PCNT: variants seen among roughly 807,000 people sequenced by gnomAD.
PCNT encodes pericentrin.
PCNT carries 319 observed loss-of-function variants against 380.4 expected under a neutral mutation model. The ratio of observed to expected loss-of-function variants is 0.84; its 90% CI spans 0.77 to 0.92. PCNT has a LOEUF of 0.92. PCNT is among the 40% of genes least tolerant of loss of function. PCNT has a pLI of 0.00. For synonymous variants in PCNT, 1,845 were observed against 1,735.2 expected, an observed-to-expected ratio of 1.06 and a Z score of -1.57; for missense variants, 4,400 against 4,255.3, an observed-to-expected ratio of 1.03 and a Z score of -0.95.
chr21:46,347,820 C>T (rs535450577), intron 6 of PCNT, among the ~76,000 whole-genome samples: 4 of 152,294 alleles, frequency 2.6e-5, no homozygotes, highest in East Asian at 1.9e-4. Context: ...CCTCTGCCCT[C>T]GTGGATGTGG....
intron 14 of PCNT, among the ~76,000 whole-genome samples, chr21:46,366,317 G>A (rs1032051166): frequency 5.3e-5 from 8 of 152,154 alleles, no homozygotes; most frequent in African/African-American, 1.7e-4. Context: ...TGCTGAGGGC[G>A]CTGGTTCCTA....
rs959271732 is a variant in PCNT at position 46,416,807 on chromosome 21, G to T, written c.6889G>T (p.Ala2297Ser). 4.4e-6 allele frequency: 7 copies of T among 1,598,678 alleles called. No homozygotes were observed. The highest frequency in any genetic ancestry group is 4.2e-6 in the Non-Finnish European group (5 of 1,179,432). ...ACTGCAGTGGGCCGAGTCTCCGCCG[G>T]CTGACGACCACCATGTGCAGAGGAC... is the stretch of plus-strand genomic sequence containing the variant. ...LALQWAESPPADDHHVQRTAV... is the reference protein window; with the variant it reads ...LALQWAESPPSDDHHVQRTAV... Residue 2297 changes from alanine to serine, a missense_variant, in exon 30 of 47, where the codon GCT (alanine) becomes TCT (serine). Ala to Ser is a moderately conservative substitution (Grantham distance 99). Coordinates refer to ENST00000359568, the MANE Select transcript of PCNT (RefSeq NM_006031.6).
At chr21:46,437,504 C>G (rs549436045) in intron 40 of PCNT, among the ~76,000 whole-genome samples, 3 of 152,312 alleles carry the variant, frequency 2.0e-5, no homozygotes, top group Admixed American at 2.0e-4. Flanking sequence ...TCCACCTGGC[C>G]CAGCCTGCTG....
chr21:46,396,403 T>G (rs2086212149), intron 21 of PCNT, among the ~76,000 whole-genome samples: 1 of 152,080 alleles, frequency 6.6e-6, no homozygotes, highest in Non-Finnish European at 1.5e-5. Flanking sequence ...GGCTGGATCA[T>G]CCTGGGGCAG....
intron 35 of PCNT, 75 bp downstream of exon 35, chr21:46,428,665 G>C (rs1214300693): frequency 3.8e-6 from 5 of 1,301,282 alleles, no homozygotes; most frequent in Non-Finnish European, 5.4e-6. Flanking sequence ...GTGTGGCCTT[G>C]GGAGCAGAGG....
At chr21:46,378,341 A>AT (rs1211531297) in intron 15 of PCNT, among the ~76,000 whole-genome samples, 1 of 152,198 alleles carries the variant, frequency 6.6e-6, no homozygotes, top group Non-Finnish European at 1.5e-5. Context: ...ACTGAAAGGC[A>AT]TCACTCTATG....
chr21:46,357,228 G>A (rs752102559), intron 13 of PCNT, 37 bp downstream of exon 13: 17 of 1,405,352 alleles, frequency 1.2e-5, no homozygotes, highest in African/African-American at 1.1e-4. Context: ...CCTCCCGCCC[G>A]AGTCCTTGCT....
chr21:46,339,629 T>C (rs1234368052), intron 3 of PCNT, among the ~76,000 whole-genome samples: 1 of 152,184 alleles, frequency 6.6e-6, no homozygotes, highest in African/African-American at 2.4e-5. Flanking sequence ...TTCCACGCTC[T>C]TCTGCCTGGT....
rs993774824 is a variant in PCNT at position 46,417,414 on chromosome 21, G to A, written c.6921+575G>A. Among the ~76,000 whole-genome samples, 6 of 151,954 alleles carry A rather than the reference G, an allele frequency of 3.9e-5. No homozygotes were observed. The South Asian group carries it at 1.0e-3, about 26-fold the overall frequency. ...TTACCTTATTGGTCAGGCTGGTCTC[G>A]AACTCCTGACCTCATGATCCACCCA... On this transcript the variant is annotated intron_variant, in intron 30 of 46. Coordinates refer to ENST00000359568, the MANE Select transcript of PCNT (RefSeq NM_006031.6).
intron 3 of PCNT, among the ~76,000 whole-genome samples, chr21:46,335,120 C>G (rs1453113489): frequency 6.6e-6 from 1 of 152,138 alleles, no homozygotes; most frequent in African/African-American, 2.4e-5. Context: ...TCTAGTTGCC[C>G]TTGTCGATTG....
At chr21:46,419,726 C>G (rs892389551) in intron 31 of PCNT, among the ~76,000 whole-genome samples, 1 of 152,186 alleles carries the variant, frequency 6.6e-6, no homozygotes, top group African/African-American at 2.4e-5. Flanking sequence ...CCCAGGCGGC[C>G]CCTTGCCCCT....
At chr21:46,377,490 C>T (rs903505275) in intron 15 of PCNT, among the ~76,000 whole-genome samples, 2 of 152,196 alleles carry the variant, frequency 1.3e-5, no homozygotes, top group Non-Finnish European at 2.9e-5. Flanking sequence ...ATATTTAAAT[C>T]TGCTGTGTAA....
chr21:46,366,692 G>C lies in PCNT; in HGVS notation c.2718G>C (p.Glu906Asp), dbSNP rs1426367694. 6.2e-7 allele frequency: 1 copy of C among 1,613,860 alleles called. No individual in the cohort carries two copies. ...QHARELQLLQ[E>D]RHQQQLLSVT... The stretch of plus-strand genomic sequence containing the variant: ...CCCGTGAGCTGCAGCTCCTCCAGGA[G>C]AGACACCAGCAGCAGCTCCTGTCAG... The change falls in exon 15 of 47, where the codon GAG (glutamate) becomes GAC (aspartate). Residue 906 changes from glutamate to aspartate, a missense_variant. Transcript: ENST00000359568.
chr21:46,397,867 C>T, intron 22 of PCNT, 147 bp from the exon 23 acceptor site: 1 of 680,644 alleles, frequency 1.5e-6, no homozygotes, highest in South Asian at 1.6e-5. Context: ...CTCCATTTTA[C>T]AAAGTGACTG....
chr21:46,331,871 AC>A (rs1399097807), intron 2 of PCNT, among the ~76,000 whole-genome samples: 1 of 151,968 alleles, frequency 6.6e-6, no homozygotes. Flanking sequence ...TGGTAAAAGA[AC>A]CATCTGGCGG....
chr21:46,404,103 G>A (rs1205005676), intron 27 of PCNT, among the ~76,000 whole-genome samples: 8 of 119,378 alleles, frequency 6.7e-5, no homozygotes, highest in Non-Finnish European at 1.4e-4. Flanking sequence ...CCCACGCGGC[G>A]CGTGCTCGGT....
chr21:46,373,983 C>T (rs2085248768), intron 15 of PCNT, among the ~76,000 whole-genome samples: 2 of 152,152 alleles, frequency 1.3e-5, no homozygotes, highest in South Asian at 4.1e-4. Context: ...CCGTCTTGGC[C>T]TCCCAAAGTG....
rs1178719133 is a variant in PCNT, at chr21:46,326,391, A to G, written c.69A>G (p.Arg23=). The G allele has an allele frequency of 6.2e-7, 1 of 1,614,042 alleles. No individual in the cohort carries two copies. The highest frequency in any genetic ancestry group is 8.5e-7 in the Non-Finnish European group (1 of 1,180,030). ...EAGRTKLAHF[R]QRKTKGDSSH... The stretch of plus-strand genomic sequence containing the variant: ...TTTTTGCGCAGCTTGCTCACTTCCG[A>G]CAGAGAAAAACAAAAGGTGACAGTT... The change falls in exon 2 of 47, where the codon CGA becomes CGG. Residue 23 remains arginine (R), a synonymous_variant. Transcript: ENST00000359568.
chr21:46,347,513 G>A lies in PCNT; in HGVS notation c.1032+1G>A, dbSNP rs1569178877. ...GGAGAAAAACGCCCAGATAGTAAAG[G>A]TACCCGGGATCGATTCTAAAATGCA... On this transcript the variant is annotated splice_donor_variant, in intron 6 of 46. Transcript: ENST00000359568. LOFTEE classifies it high-confidence loss of function. 1 of 1,613,952 alleles carries A rather than the reference G, an allele frequency of 6.2e-7. No individual in the cohort carries two copies. Among genetic ancestry groups the A allele is most frequent in the Non-Finnish European group, 8.5e-7 (1 of 1,179,878 alleles).
Sources: gnomAD v4.1 joint callset for allele counts (sites outside exome capture counted in the v4.1 genomes callset) on GRCh38, gnomAD v4.1.1 for gene constraint, MANE v1.5 for transcripts, NCBI Gene and HGNC (gene_info 2026-07-23, HGNC 2026-07-21) for gene names.